Variants in KANSL1 observed in about 807,000 individuals in gnomAD.
KANSL1 encodes MLL1/MLL complex subunit KANSL1.
In KANSL1, 22 loss-of-function variants were observed where a neutral mutation model predicts 103.6. The ratio of observed to expected loss-of-function variants is 0.21; its 90% CI spans 0.15 to 0.30. KANSL1 has a LOEUF of 0.30. Among genes scored for constraint, KANSL1 ranks in the 10% least tolerant of loss-of-function variants. KANSL1 has a pLI of 1.00. For missense variants in KANSL1, 1,337 were observed against 1,399.8 expected, an observed-to-expected ratio of 0.96 and a Z score of 0.72; for synonymous variants, 600 against 527.6, an observed-to-expected ratio of 1.14 and a Z score of -1.88.
In KANSL1 at chr17:46,111,589, G is replaced by A. The variant is rs2042808595; in HGVS notation, c.1290-16888C>T. 2.0e-5 allele frequency among the ~76,000 whole-genome samples: 3 copies of A among 152,302 alleles called. No individual in the cohort carries two copies. The South Asian group carries it at 6.2e-4, about 32-fold the overall frequency. The stretch of plus-strand genomic sequence containing the variant: ...ACAACAAGTATAATCAATAGATACG[G>A]ATGGTATTTGAACTAGACTAGACAA... On this transcript the variant is annotated intron_variant, in intron 2 of 14. Transcript: ENST00000432791.
intron 1 of KANSL1, among the ~76,000 whole-genome samples, chr17:46,178,377 T>C (rs1395956228): frequency 6.6e-6 from 1 of 152,266 alleles, no homozygotes; most frequent in Non-Finnish European, 1.5e-5. Context: ...GGCAGTAGAA[T>C]TAGGGCTGAG....
At chr17:46,108,380 C>T (rs571221598) in intron 2 of KANSL1, among the ~76,000 whole-genome samples, 2 of 152,286 alleles carry the variant, frequency 1.3e-5, no homozygotes, top group Admixed American at 6.5e-5. Context: ...AGGTCATTTC[C>T]TTACATGACA....
At chr17:46,129,980 C>T (rs1451303341) in intron 2 of KANSL1, among the ~76,000 whole-genome samples, 1 of 151,934 alleles carries the variant, frequency 6.6e-6, no homozygotes, top group African/African-American at 2.4e-5. Flanking sequence ...GAGCCCAGGA[C>T]ATCAAGACCA....
At chr17:46,151,983 G>A (rs1456314869) in intron 2 of KANSL1, among the ~76,000 whole-genome samples, 1 of 152,200 alleles carries the variant, frequency 6.6e-6, no homozygotes, top group Non-Finnish European at 1.5e-5. Context: ...CCCAGAGGGT[G>A]TATTTTTTCT....
chr17:46,174,185 T>C (rs1369663858), intron 1 of KANSL1, among the ~76,000 whole-genome samples: 1 of 149,358 alleles, frequency 6.7e-6, no homozygotes, highest in African/African-American at 2.4e-5. Context: ...TTGGTGGGTG[T>C]GGATGTGTGT....
intron 1 of KANSL1, among the ~76,000 whole-genome samples, chr17:46,189,815 G>A (rs1459443077): frequency 1.3e-5 from 2 of 150,824 alleles, no homozygotes; most frequent in South Asian, 2.1e-4. Context: ...GCTGAGGCAC[G>A]AGAATCGCTT....
At chr17:46,074,981 C>T (rs1300549671) in intron 4 of KANSL1, among the ~76,000 whole-genome samples, 1 of 152,060 alleles carries the variant, frequency 6.6e-6, no homozygotes, top group Non-Finnish European at 1.5e-5. Flanking sequence ...TCCTGTAAAA[C>T]AATGCGTAAC....
chr17:46,062,952 A>G (rs1378462336), intron 6 of KANSL1, among the ~76,000 whole-genome samples: 2 of 152,138 alleles, frequency 1.3e-5, no homozygotes, highest in Non-Finnish European at 2.9e-5. Context: ...CGGGAGAATG[A>G]GGCAGGAGAA....
intron 1 of KANSL1, among the ~76,000 whole-genome samples, chr17:46,178,781 A>C (rs1451249890): frequency 6.6e-6 from 1 of 152,228 alleles, no homozygotes; most frequent in Admixed American, 6.5e-5. Context: ...TACCTTTACC[A>C]AACTTTTTTA....
chr17:46,044,475 C>T (rs1324198086), intron 7 of KANSL1: 2 of 152,182 alleles, frequency 1.3e-5, no homozygotes, highest in African/African-American at 4.8e-5. Flanking sequence ...GCTGTAGCCT[C>T]ATGTGCAGGG....
chr17:46,061,628 C>A (rs771670674), intron 6 of KANSL1, among the ~76,000 whole-genome samples: 49 of 152,254 alleles, frequency 3.2e-4, no homozygotes, highest in Non-Finnish European at 4.6e-4. Context: ...TCTCCATGAG[C>A]CTTACTCTGA....
At chr17:46,064,053 TAA>T (rs58111244) in intron 6 of KANSL1, among the ~76,000 whole-genome samples, 9 of 105,722 alleles carry the variant, frequency 8.5e-5, no homozygotes, top group African/African-American at 2.4e-4. Context: ...CGACTATTAG[TAA>T]AAAAAAAAAA....
chr17:46,157,478 A>C (rs1405393193), intron 2 of KANSL1, among the ~76,000 whole-genome samples: 1 of 152,262 alleles, frequency 6.6e-6, no homozygotes, highest in Non-Finnish European at 1.5e-5. Flanking sequence ...CACCTAATAA[A>C]ATGTAAAACC....
intron 6 of KANSL1, among the ~76,000 whole-genome samples, chr17:46,055,730 C>A (rs943451116): frequency 6.6e-6 from 1 of 152,132 alleles, no homozygotes; most frequent in South Asian, 2.1e-4. Context: ...AGTGATCTGG[C>A]CTATTACATG....
At chr17:46,194,670 T>C (rs922079729), upstream of KANSL1, among the ~76,000 whole-genome samples, 2 of 152,220 alleles carry the variant, frequency 1.3e-5, no homozygotes, top group Admixed American at 1.3e-4. Context: ...TTCAAATCAT[T>C]AAATCATCAA....
At chr17:46,080,057 A>G (rs1250505223) in intron 4 of KANSL1, among the ~76,000 whole-genome samples, 1 of 152,090 alleles carries the variant, frequency 6.6e-6, no homozygotes, top group Non-Finnish European at 1.5e-5. Flanking sequence ...GAAAAGAATT[A>G]TATCTAATGT....
intron 1 of KANSL1, among the ~76,000 whole-genome samples, chr17:46,218,617 T>C (rs2048414451): frequency 1.3e-5 from 2 of 152,008 alleles, no homozygotes; most frequent in Non-Finnish European, 2.9e-5. Flanking sequence ...ACCCCGTCTC[T>C]ACTAAAAATA....
chr17:46,083,608 G>A (rs1037692722), intron 3 of KANSL1, among the ~76,000 whole-genome samples: 3 of 152,040 alleles, frequency 2.0e-5, no homozygotes, highest in Non-Finnish European at 4.4e-5. Context: ...CTATGTTACC[G>A]AGGCTGATCT....
chr17:46,084,697 T>TAAAAAAAAAAAAAAAAAAAAAAAAAA (rs67108405), intron 3 of KANSL1, among the ~76,000 whole-genome samples: 1 of 74,488 alleles, frequency 1.3e-5, no homozygotes, highest in African/African-American at 5.7e-5. Flanking sequence ...TTTTAAAAAT[T>TAAAAAAAAAAAAAAAAAAAAAAAAAA]AAAAAAAAAA....
Sources: allele counts gnomAD v4.1 joint callset (sites outside exome capture counted in the v4.1 genomes callset), GRCh38; gene constraint gnomAD v4.1.1; transcripts MANE v1.5; gene names NCBI Gene and HGNC (gene_info 2026-07-23, HGNC 2026-07-21).